TCTN3: variants seen among roughly 807,000 people sequenced by gnomAD.
The protein encoded by TCTN3 is tectonic family member 3.
Under a neutral mutation model 71.3 loss-of-function variants are expected in TCTN3, and 57 were observed. The observed-to-expected ratio is 0.80, with a 90% CI of 0.65 to 1.00. The LOEUF (loss-of-function observed/expected upper bound fraction) is 1.00. Among genes scored for constraint, TCTN3 ranks in the 50% least tolerant of loss-of-function variants. TCTN3 has a pLI of 0.00. For synonymous variants in TCTN3, 258 were observed against 267.8 expected (o/e 0.96, Z 0.36); for missense variants, 696 against 719.9 (o/e 0.97, Z 0.38).
chr10:95,688,840 C>A lies in TCTN3; in HGVS notation c.500-1121G>T, dbSNP rs184484785. On this transcript the variant is annotated intron_variant, in intron 3 of 13. Coordinates refer to ENST00000371217, the MANE Select transcript of TCTN3 (RefSeq NM_015631.6). Reference sequence around the variant, plus strand: ...TGTAGGAAAAGGGCTGTGATGCTGTCCCCTGCCCAGAAGATGGCAGGTGAT... The same window carrying A: ...TGTAGGAAAAGGGCTGTGATGCTGTACCCTGCCCAGAAGATGGCAGGTGAT... Among the ~76,000 whole-genome samples, 22 of 152,262 alleles carry A rather than the reference C, an allele frequency of 1.4e-4. No homozygotes were observed. The East Asian group carries it at 3.7e-3, about 25-fold the overall frequency.
At chr10:95,686,002 G>A (rs1412315850) in intron 7 of TCTN3, among the ~76,000 whole-genome samples, 2 of 152,216 alleles carry the variant, frequency 1.3e-5, no homozygotes, top group Admixed American at 1.3e-4. Context: ...CAAGTCAGGA[G>A]AATTGCTTGA....
chr10:95,687,569 C>T (rs368396402), intron 4 of TCTN3, 23 bp downstream of exon 4: 25 of 1,611,142 alleles, frequency 1.6e-5, no homozygotes, highest in Non-Finnish European at 2.0e-5. Flanking sequence ...ACCAAACAAT[C>T]CCATCCCCTT....
intron 13 of TCTN3, among the ~76,000 whole-genome samples, chr10:95,670,807 T>TGCATGCCACCATGCCCA: frequency 6.6e-6 from 1 of 152,062 alleles, no homozygotes; most frequent in African/African-American, 2.4e-5. Flanking sequence ...GGAATACAGG[T>TGCATGCCACCATGCCCA]GCATGCCACC....
intron 13 of TCTN3, among the ~76,000 whole-genome samples, chr10:95,678,908 T>C (rs2097940117): frequency 6.6e-6 from 1 of 152,086 alleles, no homozygotes; most frequent in Non-Finnish European, 1.5e-5. Context: ...AAAGTGAAAA[T>C]TTTTACACAA....
intron 9 of TCTN3, 142 bp from the exon 10 acceptor site, chr10:95,683,771 T>C (rs1455808876): frequency 7.0e-6 from 4 of 572,730 alleles, no homozygotes; most frequent in Non-Finnish European, 1.2e-5. Flanking sequence ...CTTTCCACAG[T>C]GTAGCATTTT....
intron 3 of TCTN3, among the ~76,000 whole-genome samples, chr10:95,692,562 G>A (rs2097954473): frequency 6.8e-6 from 1 of 146,576 alleles, no homozygotes; most frequent in African/African-American, 2.5e-5. Flanking sequence ...GCAGAAAGAG[G>A]CGTAGAGATT....
chr10:95,684,543 C>T lies in TCTN3; in HGVS notation c.1051G>A (p.Glu351Lys). 1 of 1,614,040 alleles carries T rather than the reference C, an allele frequency of 6.2e-7. No homozygotes were observed. The highest frequency in any genetic ancestry group is 8.5e-7 in the Non-Finnish European group (1 of 1,179,942). The change falls in exon 9 of 14, where the codon GAG becomes AAG. Residue 351 changes from glutamate (E) to lysine (K), a missense_variant. Physicochemically the swap from Glu to Lys is moderately conservative, Grantham distance 56. Coordinates refer to ENST00000371217, the MANE Select transcript of TCTN3 (RefSeq NM_015631.6). The part of the protein sequence containing the change: ...VSLGQTNLTV[E>K]PGASLQQHFI... ...TGTTGCTGTAAGGAAGCGCCTGGCT[C>T]AACAGTCAGGTTGGTTTGTCCCAAA...
At chr10:95,682,571 G>C in intron 12 of TCTN3, 80 bp downstream of exon 12, 1 of 1,479,494 alleles carries the variant, frequency 6.8e-7, no homozygotes, top group Non-Finnish European at 9.1e-7. Flanking sequence ...ATGGAGACAA[G>C]GCTGGTTTTA....
Position 95,663,564 on chromosome 10 carries a change from G to C in TCTN3, c.*503C>G, listed in dbSNP as rs955239271. The C allele has an allele frequency of 6.5e-6, 1 of 154,558 alleles. No homozygotes were observed. Among genetic ancestry groups the C allele is most frequent in the African/African-American group, 2.4e-5 (1 of 41,460 alleles). The allele number at this position is 154,558 out of a possible 1,614,324, so 9.6% of individuals were successfully genotyped here. On this transcript the variant is annotated 3_prime_UTR_variant, in exon 14 of 14. Coordinates refer to ENST00000371217, the MANE Select transcript of TCTN3 (RefSeq NM_015631.6). ...GAACTGCTTTCCCCACTCGTGTCTGGGCAAAGGGTGTGCCCAGATGTTGGC... is the reference window on the plus strand; with the variant it reads ...GAACTGCTTTCCCCACTCGTGTCTGCGCAAAGGGTGTGCCCAGATGTTGGC...
At chr10:95,686,301 T>G (rs1482997867) in intron 7 of TCTN3, among the ~76,000 whole-genome samples, 194 bp downstream of exon 7, 1 of 152,254 alleles carries the variant, frequency 6.6e-6, no homozygotes, top group African/African-American at 2.4e-5. Flanking sequence ...TAACACCTTA[T>G]GGATCCTGGT....
chr10:95,683,216 T>C (rs1200658113), intron 10 of TCTN3, 21 bp from the exon 11 acceptor site: 1 of 1,602,580 alleles, frequency 6.2e-7, no homozygotes, highest in Non-Finnish European at 8.5e-7. Flanking sequence ...AAAGTGATGA[T>C]CAAGGACATC....
At chr10:95,679,437 C>A (rs1372065904) in intron 13 of TCTN3, among the ~76,000 whole-genome samples, 2 of 152,112 alleles carry the variant, frequency 1.3e-5, no homozygotes, top group African/African-American at 4.8e-5. Context: ...TACTTCTGAC[C>A]TAAATGTAGT....
chr10:95,690,950 G>C (rs1358773091), intron 3 of TCTN3, among the ~76,000 whole-genome samples: 1 of 152,134 alleles, frequency 6.6e-6, no homozygotes, highest in East Asian at 1.9e-4. Flanking sequence ...AAAGTTCATT[G>C]ATGTAATGAA....
Position 95,686,608 on chromosome 10 carries a change from C to T in TCTN3, c.853-78G>A, listed in dbSNP as rs1322786440. The T allele has an allele frequency of 3.4e-6, 5 of 1,449,362 alleles. No individual in the cohort carries two copies. In the Admixed American group the frequency reaches 5.6e-5, roughly 16 times the overall value. The allele number at this position is 1,449,362 out of a possible 1,614,324, so 89.8% of individuals were successfully genotyped here. A position where few individuals can be genotyped will look rare whatever the true frequency, so the allele number is the denominator to read the frequency against. ...GGAGCTTGTGGTTTCATATTACTAC[C>T]AATAGGCTTTGGTTTGGCGGGCAGG... On this transcript the variant is annotated intron_variant, in intron 6 of 13. Transcript: ENST00000371217.
At chr10:95,671,528 T>C (rs2097931391) in intron 13 of TCTN3, among the ~76,000 whole-genome samples, 1 of 152,242 alleles carries the variant, frequency 6.6e-6, no homozygotes, top group Non-Finnish European at 1.5e-5. Flanking sequence ...TATATGTTAA[T>C]ACCCTACGTA....
intron 12 of TCTN3, 49 bp from the exon 13 acceptor site, chr10:95,680,658 A>AT: frequency 6.3e-7 from 1 of 1,594,428 alleles, no homozygotes; most frequent in Non-Finnish European, 8.5e-7. Flanking sequence ...ATGGTTGCCT[A>AT]TAGTCAATCA....
intron 3 of TCTN3, among the ~76,000 whole-genome samples, chr10:95,690,908 A>C (rs575246959): frequency 2.6e-5 from 4 of 152,332 alleles, no homozygotes; most frequent in African/African-American, 9.6e-5. Flanking sequence ...TTCATACTAA[A>C]CATGAATGTA....
At chr10:95,685,943 C>A (rs761984106) in intron 7 of TCTN3, among the ~76,000 whole-genome samples, 6 of 152,192 alleles carry the variant, frequency 3.9e-5, no homozygotes, top group Non-Finnish European at 7.3e-5. Context: ...TTAAAGACTC[C>A]AGGAGGGGTG....
At position 95,665,052 on chromosome 10, in the gene TCTN3, A is replaced by G. The variant is rs530010465; in HGVS notation, c.1591-752T>C. Among the ~76,000 whole-genome samples, 26 of 152,332 alleles carry G rather than the reference A, an allele frequency of 1.7e-4. No homozygotes were observed. The South Asian group carries it at 5.2e-3, about 30-fold the overall frequency. ...ATTTGCTGTGGTCTTTGGCAACAGT[A>G]AGTACCAAGCTCTGGGAACATAGTT... On this transcript the variant is annotated intron_variant, in intron 13 of 13. Coordinates refer to ENST00000371217, the MANE Select transcript of TCTN3 (RefSeq NM_015631.6).
Sources: allele counts gnomAD v4.1 joint callset (sites outside exome capture counted in the v4.1 genomes callset), GRCh38; gene constraint gnomAD v4.1.1; transcripts MANE v1.5; gene names NCBI Gene and HGNC (gene_info 2026-07-23, HGNC 2026-07-21).